The following INPP5D variants were observed in gnomAD, a reference collection of about 807,000 sequenced individuals.
The protein encoded by INPP5D is phosphatidylinositol 3,4,5-trisphosphate 5-phosphatase 1.
INPP5D carries 33 observed loss-of-function variants against 122.9 expected under a neutral mutation model. That is an observed-to-expected ratio of 0.27 (90% confidence interval 0.20 to 0.36). INPP5D has a LOEUF of 0.36. Ranked by LOEUF, INPP5D falls within the 10% of genes least tolerant of loss-of-function variation. The probability of loss-of-function intolerance (pLI) is 1.00; values close to 1 mark genes in which losing one functional copy is unlikely to be tolerated. For synonymous variants in INPP5D, 584 were observed against 576.2 expected (o/e 1.01, Z -0.19); for missense variants, 1,053 against 1,412.7 (o/e 0.75, Z 4.08).
chr2:233,204,684 G>A lies in INPP5D; in HGVS notation c.3534G>A (p.Gly1178=). 2.6e-6 allele frequency: 4 copies of A among 1,559,516 alleles called. No individual in the cohort carries two copies. The highest frequency in any genetic ancestry group is 3.5e-6 in the Non-Finnish European group (4 of 1,154,984). Residue 1178 remains glycine (G), a synonymous_variant, in exon 26 of 27, where the codon GGG becomes GGA. Coordinates refer to ENST00000445964, the MANE Select transcript of INPP5D (RefSeq NM_001017915.3). ...PHHGKHRPEE[G]PPGPLGRTAM... ...ACGGCAAGCACCGGCCGGAGGAGGG[G>A]CCACCAGGGCCTCTAGGCAGGACTG...
chr2:233,175,288 C>G (rs1452683332), intron 17 of INPP5D, among the ~76,000 whole-genome samples: 1 of 149,054 alleles, frequency 6.7e-6, no homozygotes, highest in African/African-American at 2.5e-5. Context: ...CTGAAAACAA[C>G]CCTATGTCCA....
intron 25 of INPP5D, among the ~76,000 whole-genome samples, chr2:233,201,931 G>A (rs368692374): frequency 5.3e-5 from 8 of 152,228 alleles, no homozygotes; most frequent in African/African-American, 1.9e-4. Flanking sequence ...GTTACCTTTG[G>A]TCAGGGGAAT....
chr2:233,168,023 A>AT (rs1694393243), intron 13 of INPP5D, among the ~76,000 whole-genome samples: 1 of 110,470 alleles, frequency 9.1e-6, no homozygotes, highest in Non-Finnish European at 2.2e-5. Context: ...AAAAAAAAAA[A>AT]AAGAAAGAAA....
intron 18 of INPP5D, among the ~76,000 whole-genome samples, chr2:233,180,922 C>T (rs1694768289): frequency 6.6e-6 from 1 of 152,234 alleles, no homozygotes. Context: ...GATCCACCCA[C>T]CTCGGCCTCC....
In INPP5D at chr2:233,096,280, C is replaced by T. The variant is rs534856340; in HGVS notation, c.198+16882C>T. ...TCACACATCTCAATTCTGGACATTACCAGTGCCTGTAATTTTCAGCAGACA... is the reference window on the plus strand; with the variant it reads ...TCACACATCTCAATTCTGGACATTATCAGTGCCTGTAATTTTCAGCAGACA... On this transcript the variant is annotated intron_variant, in intron 2 of 26. Transcript: ENST00000445964. 3.3e-5 allele frequency among the ~76,000 whole-genome samples: 5 copies of T among 152,290 alleles called. No homozygotes were observed. The South Asian group carries it at 6.2e-4, about 19-fold the overall frequency.
chr2:233,117,555 C>A (rs1231518804), intron 2 of INPP5D, among the ~76,000 whole-genome samples: 1 of 152,120 alleles, frequency 6.6e-6, no homozygotes, highest in Non-Finnish European at 1.5e-5. Flanking sequence ...GCTGGGCGGC[C>A]CCCTCTGGGT....
chr2:233,175,217 C>CAAAAAAAAA (rs1220185296), intron 17 of INPP5D, among the ~76,000 whole-genome samples: 4 of 68,602 alleles, frequency 5.8e-5, no homozygotes, highest in South Asian at 6.8e-4. Context: ...GACTCCATCT[C>CAAAAAAAAA]AAAAAAAAAA....
intron 2 of INPP5D, among the ~76,000 whole-genome samples, chr2:233,094,169 A>G (rs769134740): frequency 6.6e-5 from 10 of 151,904 alleles, no homozygotes; most frequent in Admixed American, 3.3e-4. Flanking sequence ...TATTTTGGAT[A>G]TATTGGGTTA....
At chr2:233,090,031 G>A (rs1250950388) in intron 2 of INPP5D, among the ~76,000 whole-genome samples, 7 of 152,176 alleles carry the variant, frequency 4.6e-5, no homozygotes, top group Admixed American at 3.9e-4. Context: ...GGTGGTAGGC[G>A]ACCCGGTGTC....
At chr2:233,121,371 C>CA (rs1692970965) in intron 2 of INPP5D, among the ~76,000 whole-genome samples, 1 of 151,796 alleles carries the variant, frequency 6.6e-6, no homozygotes, top group South Asian at 2.1e-4. Context: ...CTCCTGACTT[C>CA]AAGTGATGTG....
chr2:233,189,830 C>A lies in INPP5D; in HGVS notation c.2359-20C>A. On this transcript the variant is annotated intron_variant, in intron 21 of 26. Transcript: ENST00000445964. This position sits in a 1 kb window ranked among gnomAD's most constrained non-coding sequence, Gnocchi z 5.6. ...TGTCCCTTGCCCATCAACTCCAGTC[C>A]TGTGCCCTTCTCTCTGCAGCTGAAG... 6.2e-7 allele frequency: 1 copy of A among 1,611,954 alleles called. No homozygotes were observed.
chr2:233,074,280 G>C (rs1206568654), intron 1 of INPP5D, among the ~76,000 whole-genome samples: 2 of 152,168 alleles, frequency 1.3e-5, no homozygotes, highest in East Asian at 1.9e-4. Flanking sequence ...GGTTGAGAGG[G>C]GGCGCCTCAT....
chr2:233,079,442 G>C, intron 2 of INPP5D, 44 bp downstream of exon 2: 1 of 1,186,632 alleles, frequency 8.4e-7, no homozygotes, highest in Non-Finnish European at 1.3e-6. Context: ...GACTTCAGCC[G>C]ATACTGGCAG....
intron 6 of INPP5D, 105 bp downstream of exon 6, chr2:233,140,034 T>C (rs906070314): frequency 2.6e-6 from 1 of 390,854 alleles, no homozygotes; most frequent in Non-Finnish European, 4.5e-6. Context: ...CTGCCCATTG[T>C]GTGTTCACTG....
At chr2:233,113,241 C>T (rs1309595024) in intron 2 of INPP5D, among the ~76,000 whole-genome samples, 4 of 152,258 alleles carry the variant, frequency 2.6e-5, no homozygotes, top group Middle Eastern at 3.4e-3. Context: ...CTAAGGCCCT[C>T]GTCATGTCCT....
intron 18 of INPP5D, among the ~76,000 whole-genome samples, chr2:233,181,218 GT>G (rs143564681): frequency 0.063 from 9,534 of 152,014 alleles, 424 homozygotes; most frequent in South Asian, 0.15. Flanking sequence ...TTCTTTTCAT[GT>G]TTATTAGCCA....
intron 21 of INPP5D, among the ~76,000 whole-genome samples, chr2:233,187,947 T>C (rs1010853767): frequency 9.2e-5 from 14 of 152,014 alleles, no homozygotes; most frequent in Non-Finnish European, 1.8e-4. Flanking sequence ...CAGGGACCCC[T>C]AGGGCCCCTG....
Position 233,125,817 on chromosome 2 carries a change from A to G in INPP5D, c.422A>G (p.Lys141Arg), listed in dbSNP as rs1326849007. 1 of 1,613,788 alleles carries G rather than the reference A, an allele frequency of 6.2e-7. No individual in the cohort carries two copies. Among genetic ancestry groups the G allele is most frequent in the African/African-American group, 1.3e-5 (1 of 74,910 alleles). Residue 141 changes from lysine (K) to arginine (R), a missense_variant, in exon 4 of 27, where the codon AAG becomes AGG. Transcript: ENST00000445964. The part of the protein sequence containing the change: ...IPLTASSCEA[K>R]EVPFSNENPR... ...CTGACTGCCAGCTCCTGTGAGGCCA[A>G]GGAGGTTCCTTTTTCAAACGAGAAT...
intron 4 of INPP5D, among the ~76,000 whole-genome samples, chr2:233,129,073 G>A (rs932391980): frequency 2.6e-5 from 4 of 152,064 alleles, no homozygotes; most frequent in Admixed American, 2.6e-4. Context: ...GGCTGAGGCA[G>A]GAGAATCACT....
Sources: gnomAD v4.1 joint callset for allele counts (sites outside exome capture counted in the v4.1 genomes callset) on GRCh38, gnomAD v4.1.1 for gene constraint, Gnocchi (gnomAD v3.1) non-coding constraint, MANE v1.5 for transcripts, NCBI Gene and HGNC (gene_info 2026-07-23, HGNC 2026-07-21) for gene names.